WWOX: variants seen among roughly 807,000 people sequenced by gnomAD.
WWOX encodes the protein WW domain containing oxidoreductase.
A neutral mutation model predicts 46.2 loss-of-function variants in WWOX; 69 were observed. The observed-to-expected ratio is 1.49, with a 90% CI of 1.23 to 1.82. WWOX has a LOEUF of 1.82. Among genes scored for constraint, WWOX ranks in the 40% most tolerant of loss-of-function variants. WWOX has a pLI of 0.00. For synonymous variants in WWOX, 359 were observed against 202.6 expected, an observed-to-expected ratio of 1.77 and a Z score of -6.56; for missense variants, 919 against 542.6, an observed-to-expected ratio of 1.69 and a Z score of -6.89.
chr16:78,691,201 G>A (rs561490424), intron 8 of WWOX: 96 of 701,816 alleles, frequency 1.4e-4, no homozygotes, highest in Middle Eastern at 2.3e-4. Flanking sequence ...TAGGTCCAGC[G>A]CCTAGAATTT....
intron 8 of WWOX, among the ~76,000 whole-genome samples, chr16:78,837,920 A>G (rs898356841): frequency 3.3e-5 from 5 of 152,142 alleles, no homozygotes; most frequent in African/African-American, 1.2e-4. Context: ...AGTCCCAGGG[A>G]CCTACCTGCT....
chr16:78,807,885 G>C (rs1292629374), intron 8 of WWOX, among the ~76,000 whole-genome samples: 1 of 152,206 alleles, frequency 6.6e-6, no homozygotes, highest in Non-Finnish European at 1.5e-5. Flanking sequence ...CATTTCAAGT[G>C]CTCAGTAGCT....
chr16:78,829,086 A>AGATG (rs59225171), intron 8 of WWOX, among the ~76,000 whole-genome samples: 31,360 of 147,582 alleles, frequency 0.21, 3,391 homozygotes, highest in African/African-American at 0.25. Context: ...TCCATCTGGA[A>AGATG]GATGGATGGA....
intron 8 of WWOX, among the ~76,000 whole-genome samples, chr16:78,852,268 C>A (rs1267594513): frequency 1.3e-5 from 2 of 152,174 alleles, no homozygotes; most frequent in Non-Finnish European, 2.9e-5. Context: ...CTCTTCTACT[C>A]TGAACAGGAT....
intron 8 of WWOX, among the ~76,000 whole-genome samples, chr16:79,033,783 C>G (rs2047812828): frequency 6.6e-6 from 1 of 152,222 alleles, no homozygotes; most frequent in South Asian, 2.1e-4. Flanking sequence ...TTCGACTACT[C>G]TTGGTACCTC....
chr16:78,597,098 G>A lies in WWOX; in HGVS notation c.1056+164346G>A, dbSNP rs984878757. 4.6e-5 allele frequency among the ~76,000 whole-genome samples: 7 copies of A among 152,172 alleles called. No individual in the cohort carries two copies. In the South Asian group the frequency reaches 6.2e-4, roughly 14 times the overall value. On this transcript the variant is annotated intron_variant, in intron 8 of 8. Transcript: ENST00000566780. ...CCAGGTGCTTACGACCTGGGTGCTA[G>A]TATCTTTGTGAAAACTGCTCCTGAC...
intron 8 of WWOX, among the ~76,000 whole-genome samples, chr16:78,850,794 C>G (rs140265839): frequency 6.6e-6 from 1 of 152,314 alleles, no homozygotes; most frequent in African/African-American, 2.4e-5. Context: ...TACCCCTGGT[C>G]TTTGAGCCCC....
intron 8 of WWOX, among the ~76,000 whole-genome samples, chr16:78,679,768 C>T (rs1277776707): frequency 6.6e-6 from 1 of 152,196 alleles, no homozygotes; most frequent in Non-Finnish European, 1.5e-5. Context: ...AACATCTTCT[C>T]ATTGATGGCT....
chr16:78,191,912 C>A (rs1487635435), intron 5 of WWOX, among the ~76,000 whole-genome samples: 1 of 152,174 alleles, frequency 6.6e-6, no homozygotes, highest in African/African-American at 2.4e-5. Context: ...AATCTATTTT[C>A]ATTACATTGA....
chr16:78,123,442 T>TTTGTTTTGTTTTG (rs1567584456), intron 4 of WWOX: 1 of 48,886 alleles, frequency 2.0e-5, no homozygotes, highest in Non-Finnish European at 3.3e-5. Flanking sequence ...TTTGTTTTGT[T>TTTGTTTTGTTTTG]TTTTTTTTTT....
intron 8 of WWOX, among the ~76,000 whole-genome samples, chr16:78,647,884 T>C (rs573204835): frequency 5.9e-5 from 9 of 152,326 alleles, no homozygotes; most frequent in Non-Finnish European, 8.8e-5. Flanking sequence ...TCACTCTGAG[T>C]ATTTAGAGGC....
At chr16:79,133,459 C>T (rs553326541) in intron 8 of WWOX, among the ~76,000 whole-genome samples, 26 of 152,298 alleles carry the variant, frequency 1.7e-4, no homozygotes, top group East Asian at 1.5e-3. Context: ...TTACACAGAA[C>T]GAGTACGGTC....
At chr16:79,192,286 G>A (rs148905119) in intron 8 of WWOX, among the ~76,000 whole-genome samples, 122 of 151,782 alleles carry the variant, frequency 8.0e-4, no homozygotes, top group African/African-American at 2.9e-3. Flanking sequence ...CCAAACAGCT[G>A]TTATTTTCGC....
intron 4 of WWOX, among the ~76,000 whole-genome samples, chr16:78,149,985 A>G (rs1027269887): frequency 9.9e-5 from 15 of 152,028 alleles, no homozygotes; most frequent in African/African-American, 2.2e-4. Flanking sequence ...GGTGTCCTAC[A>G]ATTCAGTTTT....
At chr16:78,887,827 C>T (rs1200616202) in intron 8 of WWOX, among the ~76,000 whole-genome samples, 1 of 152,176 alleles carries the variant, frequency 6.6e-6, no homozygotes, top group East Asian at 1.9e-4. Flanking sequence ...GCTTAGGACT[C>T]TGTCTCTTTA....
chr16:78,182,491 G>C (rs1444300282), intron 5 of WWOX, among the ~76,000 whole-genome samples: 1 of 151,886 alleles, frequency 6.6e-6, no homozygotes, highest in Non-Finnish European at 1.5e-5. Context: ...ATCTGCCTCT[G>C]TATCCTGTGA....
chr16:78,856,159 C>G (rs2052561340), intron 8 of WWOX, among the ~76,000 whole-genome samples: 3 of 152,110 alleles, frequency 2.0e-5, no homozygotes, highest in Non-Finnish European at 4.4e-5. Context: ...AGTCTGGTCC[C>G]TAGAAATAAT....
At chr16:78,634,174 G>A (rs976882210) in intron 8 of WWOX, among the ~76,000 whole-genome samples, 4 of 152,068 alleles carry the variant, frequency 2.6e-5, no homozygotes, top group African/African-American at 7.2e-5. Context: ...TTAGAGATTC[G>A]CTTTTTTGTG....
chr16:78,747,854 A>C (rs1055487625), intron 8 of WWOX, among the ~76,000 whole-genome samples: 2 of 152,122 alleles, frequency 1.3e-5, no homozygotes, highest in Admixed American at 1.3e-4. Flanking sequence ...AGGATAAACT[A>C]TAATCTTTCT....
Sources: allele counts gnomAD v4.1 joint callset (sites outside exome capture counted in the v4.1 genomes callset), GRCh38; gene constraint gnomAD v4.1.1; transcripts MANE v1.5; gene names NCBI Gene and HGNC (gene_info 2026-07-23, HGNC 2026-07-21).